TAFA1: variants seen among roughly 807,000 people sequenced by gnomAD.
TAFA1 encodes chemokine-like protein TAFA-1.
TAFA1 carries 4 observed loss-of-function variants against 18.5 expected under a neutral mutation model. The ratio of observed to expected loss-of-function variants is 0.22; its 90% CI spans 0.11 to 0.49. The LOEUF is 0.49. Ranked by LOEUF, TAFA1 falls within the 20% of genes least tolerant of loss-of-function variation. The pLI is 0.98. For missense variants in TAFA1, 147 were observed against 169.0 expected, an observed-to-expected ratio of 0.87 and a Z score of 0.72; for synonymous variants, 56 against 55.2, an observed-to-expected ratio of 1.01 and a Z score of -0.06.
At chr3:68,084,742 G>A (rs1219789862) in intron 2 of TAFA1, among the ~76,000 whole-genome samples, 3 of 151,116 alleles carry the variant, frequency 2.0e-5, no homozygotes, top group Non-Finnish European at 4.4e-5. Context: ...AGGTTGCAGC[G>A]AGCCGAGATA....
intron 2 of TAFA1, among the ~76,000 whole-genome samples, chr3:68,399,219 G>A (rs947452751): frequency 6.6e-6 from 1 of 152,122 alleles, no homozygotes; most frequent in Admixed American, 6.6e-5. Context: ...TATGAAGAAG[G>A]TGTGCATTTT....
intron 2 of TAFA1, among the ~76,000 whole-genome samples, chr3:68,332,540 A>C (rs777730151): frequency 5.3e-5 from 8 of 152,220 alleles, no homozygotes; most frequent in African/African-American, 9.6e-5. Flanking sequence ...TTCAAAATAT[A>C]AGAAACTCAT....
chr3:68,035,306 T>C (rs1283575158), intron 2 of TAFA1, among the ~76,000 whole-genome samples: 1 of 152,152 alleles, frequency 6.6e-6, no homozygotes, highest in African/African-American at 2.4e-5. Flanking sequence ...TTGCTAATAG[T>C]CATATACTCT....
chr3:68,330,939 A>T (rs1249205969), intron 2 of TAFA1, among the ~76,000 whole-genome samples: 6 of 152,150 alleles, frequency 3.9e-5, no homozygotes, highest in Admixed American at 2.0e-4. Flanking sequence ...AAATAGTTCC[A>T]TACCTAAAAG....
rs531176895 is a variant in TAFA1, at chr3:68,491,566, G to A, written c.260-47190G>A. ...GGGGTGGGGGGAGGGGGGAGGGATA[G>A]CATTGGGAGATATACCTAATGTTAA... On this transcript the variant is annotated intron_variant, in intron 3 of 4. Coordinates refer to ENST00000478136, the MANE Select transcript of TAFA1 (RefSeq NM_213609.4). Among the ~76,000 whole-genome samples the A allele has an allele frequency of 2.7e-5, 4 of 150,708 alleles. 1 individual carries two copies. In the South Asian group the frequency reaches 8.5e-4, roughly 32 times the overall value.
chr3:68,229,949 T>G (rs1048728508), intron 2 of TAFA1, among the ~76,000 whole-genome samples: 2 of 152,190 alleles, frequency 1.3e-5, no homozygotes, highest in Admixed American at 6.5e-5. Context: ...GATGGCTTAA[T>G]AAGTAACTTT....
intron 2 of TAFA1, among the ~76,000 whole-genome samples, chr3:68,146,962 A>G (rs1052419450): frequency 1.3e-5 from 2 of 151,872 alleles, no homozygotes; most frequent in Non-Finnish European, 2.9e-5. Flanking sequence ...GAGCTGATGG[A>G]TTTAGTGGAA....
intron 3 of TAFA1, among the ~76,000 whole-genome samples, chr3:68,472,173 G>C (rs146820884): frequency 2.0e-5 from 3 of 152,266 alleles, no homozygotes; most frequent in Non-Finnish European, 4.4e-5. Context: ...GTGGGTTCAA[G>C]TATAGATAAT....
intron 2 of TAFA1, among the ~76,000 whole-genome samples, chr3:68,174,523 A>G (rs1318378085): frequency 2.0e-5 from 3 of 152,158 alleles, no homozygotes; most frequent in Admixed American, 2.0e-4. Flanking sequence ...AGCAAAGGTG[A>G]CATTTGTTAT....
intron 3 of TAFA1, among the ~76,000 whole-genome samples, chr3:68,420,757 A>G (rs1395462434): frequency 2.0e-5 from 3 of 152,130 alleles, no homozygotes; most frequent in Non-Finnish European, 2.9e-5. Flanking sequence ...CCCCACAACG[A>G]AGAATTCTCG....
intron 2 of TAFA1, among the ~76,000 whole-genome samples, chr3:68,335,151 C>T (rs140809262): frequency 5.9e-5 from 9 of 152,154 alleles, no homozygotes; most frequent in African/African-American, 1.4e-4. Context: ...TTTATAAGAG[C>T]GTTTGGTATG....
Position 68,103,175 on chromosome 3 carries a change from G to C in TAFA1, c.118+96431G>C, listed in dbSNP as rs559937634. Among the ~76,000 whole-genome samples, 4 of 152,262 alleles carry C rather than the reference G, an allele frequency of 2.6e-5. No individual in the cohort carries two copies. In the South Asian group the frequency reaches 8.3e-4, roughly 32 times the overall value. On this transcript the variant is annotated intron_variant, in intron 2 of 4. Transcript: ENST00000478136. ...CCAGAGGTGAGGATGAGGGGAAGTG[G>C]GTTCAGAAGTTTCAATTTGTACTCT...
At chr3:68,291,721 A>G (rs960959481) in intron 2 of TAFA1, among the ~76,000 whole-genome samples, 91 of 152,334 alleles carry the variant, frequency 6.0e-4, no homozygotes, top group East Asian at 2.9e-3. Flanking sequence ...CATGTTAAAA[A>G]AATTTTCAAA....
intron 2 of TAFA1, among the ~76,000 whole-genome samples, chr3:68,060,139 T>C (rs1009510873): frequency 4.6e-5 from 7 of 152,302 alleles, no homozygotes; most frequent in Non-Finnish European, 1.0e-4. Context: ...TCCATATTTT[T>C]CTCTGACTTA....
At chr3:68,348,806 T>C (rs2106769484) in intron 2 of TAFA1, among the ~76,000 whole-genome samples, 1 of 152,192 alleles carries the variant, frequency 6.6e-6, no homozygotes, top group South Asian at 2.1e-4. Flanking sequence ...AATGAATTAC[T>C]GCAATCAGTC....
intron 4 of TAFA1, among the ~76,000 whole-genome samples, chr3:68,543,538 C>T (rs1373333020): frequency 6.6e-6 from 1 of 152,108 alleles, no homozygotes; most frequent in Admixed American, 6.6e-5. Flanking sequence ...CTATAGCCAT[C>T]TTGTCAAATC....
chr3:68,356,111 A>G (rs1193785821), intron 2 of TAFA1, among the ~76,000 whole-genome samples: 1 of 151,854 alleles, frequency 6.6e-6, no homozygotes. Context: ...CATTTCCACC[A>G]CAATAGAAAG....
chr3:68,222,741 A>G (rs898111243), intron 2 of TAFA1, among the ~76,000 whole-genome samples: 1 of 151,792 alleles, frequency 6.6e-6, no homozygotes, highest in Admixed American at 6.6e-5. Context: ...CCAGGCTGGA[A>G]TGCTGTGGTG....
At chr3:68,008,427 T>C (rs1704406897) in intron 2 of TAFA1, among the ~76,000 whole-genome samples, 1 of 152,238 alleles carries the variant, frequency 6.6e-6, no homozygotes, top group African/African-American at 2.4e-5. Context: ...AAACAACTAC[T>C]ACGTGTATGT....
Sources: gnomAD v4.1 joint callset for allele counts (sites outside exome capture counted in the v4.1 genomes callset) on GRCh38, gnomAD v4.1.1 for gene constraint, MANE v1.5 for transcripts, NCBI Gene and HGNC (gene_info 2026-07-23, HGNC 2026-07-21) for gene names.